APRT: variants seen among roughly 807,000 people sequenced by gnomAD.
The protein encoded by APRT is adenine phosphoribosyltransferase, also known as AMP diphosphorylase.
In APRT, 25 loss-of-function variants were observed where a neutral mutation model predicts 21.0. The ratio of observed to expected loss-of-function variants is 1.19; its 90% CI spans 0.87 to 1.66. The LOEUF is 1.66. APRT is among the 40% of genes most tolerant of loss of function. The pLI is 0.00. For missense variants in APRT, 294 were observed against 232.7 expected, an observed-to-expected ratio of 1.26 and a Z score of -1.72; for synonymous variants, 153 against 109.0, an observed-to-expected ratio of 1.40 and a Z score of -2.52.
At chr16:88,810,213 G>A in intron 3 of APRT, 65 bp from the exon 4 acceptor site, 1 of 1,568,640 alleles carries the variant, frequency 6.4e-7, no homozygotes, top group South Asian at 1.1e-5. Flanking sequence ...GCACAGCTTG[G>A]CAGCTGCCAC....
rs575888205 is a variant in APRT at position 88,810,570 on chromosome 16, T to A, written c.188-14A>T. The stretch of plus-strand genomic sequence containing the variant: ...GGGAGTCTAGGCCTGTCAGGGTAAG[T>A]GACAGGAGTGACTCGGCAGCATGGG... On this transcript the variant is annotated splice_polypyrimidine_tract_variant and intron_variant, in intron 2 of 4. Transcript: ENST00000378364. The A allele has an allele frequency of 5.0e-6, 8 of 1,609,540 alleles. No homozygotes were observed. The highest frequency in any genetic ancestry group is 5.9e-6 in the Non-Finnish European group (7 of 1,178,972).
chr16:88,809,649 A>G lies in APRT; in HGVS notation c.*49T>C, dbSNP rs777817751. On this transcript the variant is annotated 3_prime_UTR_variant, in exon 5 of 5. Coordinates refer to ENST00000378364, the MANE Select transcript of APRT (RefSeq NM_000485.3). ...TGGTCACTGCAGTTGCCCAAGGCTG[A>G]TATTTCCCTGGGATCCAGCTGGAGA... 1.3e-5 allele frequency: 21 copies of G among 1,612,090 alleles called. No homozygotes were observed. The highest frequency in any genetic ancestry group is 1.6e-5 in the Non-Finnish European group (19 of 1,179,484).
In APRT at chr16:88,810,163, G is replaced by C. The variant is rs376141412; in HGVS notation, c.322-15C>G. 14 of 1,611,858 alleles carry C rather than the reference G, an allele frequency of 8.7e-6. No homozygotes were observed. In the African/African-American group the frequency reaches 1.9e-4, roughly 22 times the overall value. On this transcript the variant is annotated splice_polypyrimidine_tract_variant and intron_variant, in intron 3 of 4. Coordinates refer to ENST00000378364, the MANE Select transcript of APRT (RefSeq NM_000485.3). ...TCCAGCTCAGCCTGGAGTGGGAAGT[G>C]GTGTGTGGTCCTCAGCCTCCCGCAG... is the stretch of plus-strand genomic sequence containing the variant.
rs1355550315 is a variant in APRT at position 88,809,464 on chromosome 16, G to A, written c.*234C>T. 12 of 676,602 alleles carry A rather than the reference G, an allele frequency of 1.8e-5. No homozygotes were observed. The highest frequency in any genetic ancestry group is 8.4e-5 in the Admixed American group (4 of 47,870). The allele number at this position is 676,602 out of a possible 1,614,324, so 41.9% of individuals were successfully genotyped here. On this transcript the variant is annotated 3_prime_UTR_variant, in exon 5 of 5. Coordinates refer to ENST00000378364, the MANE Select transcript of APRT (RefSeq NM_000485.3). ...CCTGGGGAACAGGAGGACAGGAGAC[G>A]GCTCTTGTGGGAAAGCTGTTTACTG...
chr16:88,811,031 G>A, intron 2 of APRT: 1 of 274,344 alleles, frequency 3.6e-6, no homozygotes, highest in South Asian at 5.0e-5. Flanking sequence ...GCTCCAGCAA[G>A]AGCTGGCGCT....
rs1489662656 is a variant in APRT at position 88,811,878 on chromosome 16, G to A, written c.22C>T (p.Leu8=). The part of the protein sequence containing the change: MADSELQ[L]VEQRIRSFPD... ...AAGCTGCGGATCCGCTGCTCAACCA[G>A]CTGCAGCTCGGAGTCGGCCATGGCC... Residue 8 remains leucine (L), a synonymous_variant, in exon 1 of 5, where the codon CTG becomes TTG. Transcript: ENST00000378364. 6.4e-7 allele frequency: 1 copy of A among 1,562,970 alleles called. No individual in the cohort carries two copies. The highest frequency in any genetic ancestry group is 8.6e-7 in the Non-Finnish European group (1 of 1,156,356).
At chr16:88,811,039 G>A (rs752027854) in intron 2 of APRT, 84 of 275,456 alleles carry the variant, frequency 3.0e-4, no homozygotes, top group Non-Finnish European at 3.9e-4. Context: ...AAGAGCTGGC[G>A]CTTTCCTCAG....
At position 88,809,826 on chromosome 16, in the gene APRT, C is replaced by CAGCG. The variant is rs1909041089; in HGVS notation, c.411_414dup (p.Ala139ArgfsTer4). The CAGCG allele has an allele frequency of 1.2e-6, 2 of 1,612,250 alleles. No homozygotes were observed. Among genetic ancestry groups the CAGCG allele is most frequent in the Non-Finnish European group, 1.7e-6 (2 of 1,179,926 alleles). On this transcript the variant is annotated frameshift_variant, in exon 5 of 5. Coordinates refer to ENST00000378364, the MANE Select transcript of APRT (RefSeq NM_000485.3). LOFTEE classifies it high-confidence loss of function. ...TGCAGGCGGCCCAGCAGCTCACAGG[C>CAGCG]AGCGTTCATGGTTCCTGGGGATGGG...
In APRT at chr16:88,811,740, CCGCCCGGAGGT is replaced by C. The variant is rs1022982034; in HGVS notation, c.80+69_80+79del. The C allele has an allele frequency of 2.7e-6, 4 of 1,501,544 alleles. No homozygotes were observed. In the African/African-American group the frequency reaches 5.7e-5, roughly 22 times the overall value. The allele number at this position is 1,501,544 out of a possible 1,614,324, so 93.0% of individuals were successfully genotyped here. ...CGAAAGACGAGGGTTCCCGCCCCGC[CCGCCCGGAGGT>C]CGCGGGCCACGCGCTCCCATCCGTA... is the stretch of plus-strand genomic sequence containing the variant. On this transcript the variant is annotated intron_variant, in intron 1 of 4. Coordinates refer to ENST00000378364, the MANE Select transcript of APRT (RefSeq NM_000485.3).
chr16:88,811,528 G>A (rs757144047), intron 2 of APRT, 22 bp downstream of exon 2: 1 of 1,566,804 alleles, frequency 6.4e-7, no homozygotes, highest in South Asian at 1.2e-5. Flanking sequence ...AAGCGCCCTA[G>A]ATGCGGCCAC....
At chr16:88,811,395 C>G in intron 2 of APRT, 155 bp downstream of exon 2, 1 of 817,714 alleles carries the variant, frequency 1.2e-6, no homozygotes, top group South Asian at 1.7e-5. Context: ...GGCTCAATCT[C>G]ACAACCCTTC....
Position 88,811,649 on chromosome 16 carries a change from A to C in APRT, c.88T>G (p.Ser30Ala). ...GAGGCGGGGTCCTTCAGGACGGGCG[A>C]GATGTCCCTGGACCCAAGGACAGGC... ...PTPGVVFRDISPVLKDPASFR... is the reference protein window; with the variant it reads ...PTPGVVFRDIAPVLKDPASFR... Residue 30 changes from serine to alanine, a missense_variant, in exon 2 of 5, where the codon TCG becomes GCG. Physicochemically the swap from Ser to Ala is moderately conservative, Grantham distance 99 (BLOSUM62 1). Transcript: ENST00000378364. The C allele has an allele frequency of 2.5e-6, 4 of 1,594,102 alleles. No homozygotes were observed. The highest frequency in any genetic ancestry group is 3.4e-6 in the Non-Finnish European group (4 of 1,170,760).
chr16:88,809,594 A>T lies in APRT; in HGVS notation c.*104T>A. 2 of 1,550,620 alleles carry T rather than the reference A, an allele frequency of 1.3e-6. No homozygotes were observed. The highest frequency in any genetic ancestry group is 1.8e-6 in the Non-Finnish European group (2 of 1,127,562). On this transcript the variant is annotated 3_prime_UTR_variant, in exon 5 of 5. Coordinates refer to ENST00000378364, the MANE Select transcript of APRT (RefSeq NM_000485.3). ...GAGAGGCGCTGAACCCCAGCAAAGG[A>T]ATGTGTTCCCTGTGGGCAGCCGGTG...
chr16:88,811,380 T>A, intron 2 of APRT, 170 bp downstream of exon 2: 3 of 706,406 alleles, frequency 4.2e-6, no homozygotes, highest in African/African-American at 1.9e-5. Context: ...CGCGGCGGCC[T>A]CGGGGGCTCA....
At chr16:88,810,620 G>T in intron 2 of APRT, 64 bp from the exon 3 acceptor site, 3 of 1,575,394 alleles carry the variant, frequency 1.9e-6, no homozygotes, top group Non-Finnish European at 2.6e-6. Context: ...AGGGTTGGCC[G>T]GTGGCAAGGG....
chr16:88,810,627 AG>A, intron 2 of APRT, 71 bp from the exon 3 acceptor site: 2 of 1,569,742 alleles, frequency 1.3e-6, no homozygotes, highest in Non-Finnish European at 1.7e-6. Flanking sequence ...GCCGGTGGCA[AG>A]GGGTACCTGG....
Position 88,810,056 on chromosome 16 carries a change from G to C in APRT, c.400+14C>G, listed in dbSNP as rs373048958. ...CCTTGGAGCCACAGCAGTTGGCTGCGGGGAGACCCTTACCACCAGTGGCCA... is the reference window on the plus strand; with the variant it reads ...CCTTGGAGCCACAGCAGTTGGCTGCCGGGAGACCCTTACCACCAGTGGCCA... On this transcript the variant is annotated intron_variant, in intron 4 of 4. Coordinates refer to ENST00000378364, the MANE Select transcript of APRT (RefSeq NM_000485.3). 2.2e-5 allele frequency: 35 copies of C among 1,612,608 alleles called. No homozygotes were observed. In the African/African-American group the frequency reaches 4.7e-4, roughly 21 times the overall value.
intron 4 of APRT, 45 bp from the exon 5 acceptor site, chr16:88,809,885 G>A (rs780192617): frequency 1.2e-6 from 2 of 1,603,138 alleles, no homozygotes; most frequent in African/African-American, 1.3e-5. Flanking sequence ...GGGCTGCAGA[G>A]AGCAGGTGCT....
At chr16:88,811,723 G>T (rs1286286639) in intron 1 of APRT, 67 bp from the exon 2 acceptor site, 1 of 1,499,994 alleles carries the variant, frequency 6.7e-7, no homozygotes. Flanking sequence ...GGCGAAAGAC[G>T]AGGGTTCCCG....
Sources: allele counts gnomAD v4.1 joint callset, GRCh38; gene constraint gnomAD v4.1.1; transcripts MANE v1.5; gene names NCBI Gene and HGNC (gene_info 2026-07-23, HGNC 2026-07-21).